ENPP7: variants seen among roughly 807,000 people sequenced by gnomAD.
The protein encoded by ENPP7 is ectonucleotide pyrophosphatase/phosphodiesterase 7.
ENPP7 carries 39 observed loss-of-function variants against 33.6 expected under a neutral mutation model. The observed-to-expected ratio is 1.16, with a 90% CI of 0.90 to 1.52. The LOEUF (loss-of-function observed/expected upper bound fraction) is 1.52, where lower values mean the gene tolerates loss of function less well. Among genes scored for constraint, ENPP7 ranks in the 40% most tolerant of loss-of-function variants. ENPP7 has a pLI of 0.00. For synonymous variants in ENPP7, 244 were observed against 274.3 expected, an observed-to-expected ratio of 0.89 and a Z score of 1.09; for missense variants, 594 against 641.0, an observed-to-expected ratio of 0.93 and a Z score of 0.79.
At chr17:79,733,369 A>T in intron 1 of ENPP7, 139 bp from the exon 2 acceptor site, 1 of 828,686 alleles carries the variant, frequency 1.2e-6, no homozygotes, top group Non-Finnish European at 2.0e-6. Flanking sequence ...TGCTCCCCCC[A>T]GCCCTGCCCC....
rs530004446 is a variant in ENPP7 at position 79,733,527 on chromosome 17, C to G, written c.273C>G (p.His91Gln). ...CCTCAGGCAAATATATCGAGAACCA[C>G]GGGGTGGTTCACAACATGTACTACA... ...TLVTGKYIENHGVVHNMYYNT... is the reference protein window; with the variant it reads ...TLVTGKYIENQGVVHNMYYNT... The change falls in exon 2 of 6, where the codon CAC (histidine) becomes CAG (glutamine). Residue 91 changes from histidine (H) to glutamine (Q), a missense_variant. By Grantham distance (24) the His-to-Gln change is conservative. Coordinates refer to ENST00000328313, the MANE Select transcript of ENPP7 (RefSeq NM_178543.5). 56 of 1,613,140 alleles carry G rather than the reference C, an allele frequency of 3.5e-5. No individual in the cohort carries two copies. The highest frequency in any genetic ancestry group is 4.5e-5 in the Non-Finnish European group (53 of 1,179,916).
intron 3 of ENPP7, among the ~76,000 whole-genome samples, chr17:79,736,574 T>TGTGTGC (rs1568487276): frequency 6.9e-6 from 1 of 144,076 alleles, no homozygotes; most frequent in African/African-American, 2.7e-5. Flanking sequence ...TGTGTGTGTG[T>TGTGTGC]GCGTCCTACG....
rs1555823261 is a variant in ENPP7 at position 79,735,212 on chromosome 17, T to C, written c.569T>C (p.Leu190Pro). 2 of 1,613,390 alleles carry C rather than the reference T, an allele frequency of 1.2e-6. No individual in the cohort carries two copies. Among genetic ancestry groups the C allele is most frequent in the South Asian group, 1.1e-5 (1 of 91,072 alleles). ...MAWFTEEDLD[L>P]VTLYFGEPDS... ...TGGTTCACAGAGGAGGACCTGGATC[T>C]GGTCACACTCTACTTCGGGGAGCCG... The change falls in exon 3 of 6, where the codon CTG becomes CCG. Residue 190 changes from leucine to proline, a missense_variant. This residue lies in a region of ENPP7 where 504 missense variants were observed against 512.8 expected (regional missense o/e 0.98). Transcript: ENST00000328313. This position sits in a 1 kb window ranked among gnomAD's most constrained non-coding sequence, Gnocchi z 5.5.
At chr17:79,733,712 GA>G in intron 2 of ENPP7, 59 bp downstream of exon 2, 1 of 1,520,438 alleles carries the variant, frequency 6.6e-7, no homozygotes, top group Non-Finnish European at 8.9e-7. Context: ...AGGCCCAGGT[GA>G]GGCTTGGAAC....
At chr17:79,740,222 G>T (rs2094302918) in intron 5 of ENPP7, among the ~76,000 whole-genome samples, 1 of 152,144 alleles carries the variant, frequency 6.6e-6, no homozygotes, top group Non-Finnish European at 1.5e-5. Context: ...GAAAGAGAAA[G>T]GAGCGGGTTT....
chr17:79,735,447 C>G lies in ENPP7; in HGVS notation c.804C>G (p.Phe268Leu). 6.2e-7 allele frequency: 1 copy of G among 1,614,164 alleles called. No individual in the cohort carries two copies. Among genetic ancestry groups the G allele is most frequent in the African/African-American group, 1.3e-5 (1 of 75,064 alleles). ...DLVEFHKFPN[F>L]TFRDIEFELL... ...TTGAATTCCACAAGTTCCCCAACTT[C>G]ACCTTCCGGGACATCGAGTTTGAGC... is the stretch of plus-strand genomic sequence containing the variant. Residue 268 changes from phenylalanine (F) to leucine (L), a missense_variant, in exon 3 of 6, where the codon TTC becomes TTG. Coordinates refer to ENST00000328313, the MANE Select transcript of ENPP7 (RefSeq NM_178543.5). The surrounding 1 kb of genome is among the most constrained non-coding windows in gnomAD (Gnocchi z 5.5).
intron 5 of ENPP7, among the ~76,000 whole-genome samples, chr17:79,740,101 G>A (rs1014207234): frequency 7.2e-5 from 11 of 152,152 alleles, no homozygotes; most frequent in African/African-American, 2.7e-4. Flanking sequence ...GGGAGACTGA[G>A]GTGGGAGGAT....
chr17:79,741,740 T>TCAGCCTGCCCC (rs1555824666), intron 5 of ENPP7, 54 bp from the exon 6 acceptor site: 17 of 965,064 alleles, frequency 1.8e-5, no homozygotes, highest in Non-Finnish European at 2.1e-5. Flanking sequence ...AGACCTGCCC[T>TCAGCCTGCCCC]CAGCCTGCCC....
At chr17:79,733,784 C>A in intron 2 of ENPP7, 131 bp downstream of exon 2, 1 of 1,000,390 alleles carries the variant, frequency 1.0e-6, no homozygotes, top group Non-Finnish European at 1.4e-6. Flanking sequence ...CTGGCCTACC[C>A]TGGCACAGAA....
rs1555823876 is a variant in ENPP7 at position 79,737,542 on chromosome 17, G to GA, written c.1246+283dup. Among the ~76,000 whole-genome samples, 1 of 152,136 alleles carries GA rather than the reference G, an allele frequency of 6.6e-6. No individual in the cohort carries two copies. The highest frequency in any genetic ancestry group is 2.4e-5 in the African/African-American group (1 of 41,436). On this transcript the variant is annotated intron_variant, in intron 4 of 5. Coordinates refer to ENST00000328313, the MANE Select transcript of ENPP7 (RefSeq NM_178543.5). This position sits in a 1 kb window ranked among gnomAD's most constrained non-coding sequence, Gnocchi z 5.5. ...GTGGCCCAGGCGGGCCTGCTGTGCA[G>GA]AGCCCACCTCCTGGCTGCTGGATCC... is the stretch of plus-strand genomic sequence containing the variant.
rs1219151725 is a variant in ENPP7 at position 79,738,363 on chromosome 17, G to T, written c.*16+301G>T. ...ACTCCCTCAGCCTCTGGCCAGAGCT[G>T]CTGCCTCCCCTCCTTCCTGCCATCT... On this transcript the variant is annotated intron_variant, in intron 5 of 5. Transcript: ENST00000328313. This position sits in a 1 kb window ranked among gnomAD's most constrained non-coding sequence, Gnocchi z 6.2. 5 of 321,970 alleles carry T rather than the reference G, an allele frequency of 1.6e-5. No homozygotes were observed. In the East Asian group the frequency reaches 2.4e-4, roughly 15 times the overall value. The allele number at this position is 321,970 out of a possible 1,614,324, so 19.9% of individuals were successfully genotyped here.
Position 79,731,244 on chromosome 17 carries a change from G to C in ENPP7, c.105G>C (p.Leu35=). 1 of 1,613,472 alleles carries C rather than the reference G, an allele frequency of 6.2e-7. No individual in the cohort carries two copies. The highest frequency in any genetic ancestry group is 8.5e-7 in the Non-Finnish European group (1 of 1,179,966). Residue 35 remains leucine, a synonymous_variant, in exon 1 of 6, where the codon CTG becomes CTC. Transcript: ENST00000328313. ...QSQGSQNKLL[L]VSFDGFRWNY... ...AGGGCTCCCAGAACAAGCTGCTCCT[G>C]GTGTCCTTCGACGGCTTCCGCTGGA...
intron 1 of ENPP7, 127 bp downstream of exon 1, chr17:79,731,519 C>G: frequency 8.4e-7 from 1 of 1,184,288 alleles, no homozygotes; most frequent in South Asian, 1.7e-5. Flanking sequence ...CCAAGGGGAC[C>G]ATTAGGAATC....
At position 79,735,524 on chromosome 17, in the gene ENPP7, A is replaced by C; in HGVS notation, c.881A>C (p.Glu294Ala). The C allele has an allele frequency of 6.2e-7, 1 of 1,614,022 alleles. No homozygotes were observed. Among genetic ancestry groups the C allele is most frequent in the Non-Finnish European group, 8.5e-7 (1 of 1,180,024 alleles). ...CTGCTCCCTAAAGAAGGGAGGCTGG[A>C]GAAGGTGTACGATGCCCTCAAGGAC... is the stretch of plus-strand genomic sequence containing the variant. ...GMLLPKEGRL[E>A]KVYDALKDAH... is the part of the protein sequence containing the mutation. Residue 294 changes from glutamate (E) to alanine (A), a missense_variant, in exon 3 of 6, where the codon GAG becomes GCG. Around this residue, in one of 3 missense-constraint regions of ENPP7, gnomAD observed 504 missense variants for 512.8 expected, o/e 0.98. Coordinates refer to ENST00000328313, the MANE Select transcript of ENPP7 (RefSeq NM_178543.5). The surrounding 1 kb of genome is among the most constrained non-coding windows in gnomAD (Gnocchi z 5.5).
At chr17:79,734,922 G>A (rs997060399) in intron 2 of ENPP7, 121 bp from the exon 3 acceptor site, 23 of 1,012,482 alleles carry the variant, frequency 2.3e-5, no homozygotes, top group Non-Finnish European at 3.1e-5. Context: ...GCTGCAGCTA[G>A]GAGCAGGGAT....
chr17:79,736,049 G>A (rs1350142088), intron 3 of ENPP7, among the ~76,000 whole-genome samples: 2 of 152,096 alleles, frequency 1.3e-5, no homozygotes, highest in African/African-American at 4.8e-5. Context: ...CATTACAGGC[G>A]CCTGCCACCA....
Position 79,737,894 on chromosome 17 carries a change from C to T in ENPP7, c.1247-22C>T. 6.2e-7 allele frequency: 1 copy of T among 1,613,082 alleles called. No individual in the cohort carries two copies. The highest frequency in any genetic ancestry group is 8.5e-7 in the Non-Finnish European group (1 of 1,179,746). Reference sequence around the variant, plus strand: ...TGAGGAGCCATCCCTCTCTCCCTCACAGGTCCTCTGGCTTTCCTTAGAATC... The same window carrying T: ...TGAGGAGCCATCCCTCTCTCCCTCATAGGTCCTCTGGCTTTCCTTAGAATC... On this transcript the variant is annotated intron_variant, in intron 4 of 5. Coordinates refer to ENST00000328313, the MANE Select transcript of ENPP7 (RefSeq NM_178543.5). The surrounding 1 kb of genome is among the most constrained non-coding windows in gnomAD (Gnocchi z 5.5).
Position 79,735,785 on chromosome 17 carries a change from C to T in ENPP7, c.1026+116C>T, listed in dbSNP as rs1266337460. ...TGTTGCCCAGGCTGGAGTGCAATGG[C>T]AGGATCTCAGCTCACTGCAGCCTTA... On this transcript the variant is annotated intron_variant, in intron 3 of 5. Transcript: ENST00000328313. The surrounding 1 kb of genome is among the most constrained non-coding windows in gnomAD (Gnocchi z 5.5). 2.2e-5 allele frequency: 21 copies of T among 953,244 alleles called. No homozygotes were observed. The highest frequency in any genetic ancestry group is 2.0e-4 in the African/African-American group (12 of 60,628). The allele number at this position is 953,244 out of a possible 1,614,324, so 59.0% of individuals were successfully genotyped here.
rs782122693 is a variant in ENPP7 at position 79,731,333 on chromosome 17, G to C, written c.194G>C (p.Arg65Pro). The C allele has an allele frequency of 1.9e-6, 3 of 1,613,582 alleles. No individual in the cohort carries two copies. Among genetic ancestry groups the C allele is most frequent in the Non-Finnish European group, 2.5e-6 (3 of 1,179,860 alleles). Residue 65 changes from arginine to proline, a missense_variant, in exon 1 of 6, where the codon CGC becomes CCC. Physicochemically the swap from Arg to Pro is moderately radical, Grantham distance 103. This residue lies in a region of ENPP7 where 85 missense variants were observed against 111.3 expected (regional missense o/e 0.76). Transcript: ENST00000328313. ...DAMARDGVKA[R>P]YMTPAFVTMT... ...ATGGCCCGAGACGGGGTGAAGGCAC[G>C]CTACATGACCCCCGCCTTTGTCACC...
Sources: allele counts gnomAD v4.1 joint callset (sites outside exome capture counted in the v4.1 genomes callset), GRCh38; gene constraint gnomAD v4.1.1; regional missense constraint gnomAD v4.1.1; non-coding constraint Gnocchi (gnomAD v3.1); transcripts MANE v1.5; gene names NCBI Gene and HGNC (gene_info 2026-07-23, HGNC 2026-07-21).